ANO10: variants seen among roughly 807,000 people sequenced by gnomAD.
ANO10 encodes anoctamin 10, also known as anoctamin-10.
Under a neutral mutation model 74.7 loss-of-function variants are expected in ANO10, and 77 were observed. The ratio of observed to expected loss-of-function variants is 1.03; its 90% CI spans 0.86 to 1.25. ANO10 has a LOEUF of 1.25. Among genes scored for constraint, ANO10 ranks in the 50% most tolerant of loss-of-function variants. ANO10 has a pLI of 0.00. For missense variants in ANO10, 721 were observed against 778.1 expected, an observed-to-expected ratio of 0.93 and a Z score of 0.87; for synonymous variants, 279 against 284.9, an observed-to-expected ratio of 0.98 and a Z score of 0.21.
chr3:43,602,785 CTCA>C (rs1156576002), intron 2 of ANO10, among the ~76,000 whole-genome samples: 1 of 152,194 alleles, frequency 6.6e-6, no homozygotes, highest in Admixed American at 6.5e-5. Context: ...TTATATGGAG[CTCA>C]TCAAGGATGG....
At chr3:43,410,158 G>A (rs1371743739) in intron 12 of ANO10, among the ~76,000 whole-genome samples, 2 of 151,742 alleles carry the variant, frequency 1.3e-5, no homozygotes, top group Non-Finnish European at 2.9e-5. Flanking sequence ...ATGACAGAAA[G>A]GTAAAACAAG....
chr3:43,428,895 T>C (rs2092940168), intron 12 of ANO10, among the ~76,000 whole-genome samples: 1 of 143,808 alleles, frequency 7.0e-6, no homozygotes, highest in South Asian at 2.3e-4. Context: ...TATTCAAAAA[T>C]CTGAAAAAAA....
chr3:43,491,785 T>G (rs1217349054), intron 11 of ANO10, among the ~76,000 whole-genome samples: 1 of 152,066 alleles, frequency 6.6e-6, no homozygotes, highest in Non-Finnish European at 1.5e-5. Context: ...CAGAAAAATA[T>G]ACAGAATATG....
At chr3:43,386,799 A>G (rs951601047) in intron 12 of ANO10, among the ~76,000 whole-genome samples, 4 of 151,988 alleles carry the variant, frequency 2.6e-5, no homozygotes, top group African/African-American at 9.7e-5. Flanking sequence ...CCTGGACTCT[A>G]CAGGTGGTCC....
chr3:43,448,793 C>T (rs1482315852), intron 11 of ANO10, among the ~76,000 whole-genome samples: 1 of 151,978 alleles, frequency 6.6e-6, no homozygotes, highest in Admixed American at 6.6e-5. Flanking sequence ...AGTGGCTGTA[C>T]CATTTTGCAT....
Position 43,366,552 on chromosome 3 carries a change from T to G in ANO10, c.*354A>C. On this transcript the variant is annotated 3_prime_UTR_variant, in exon 13 of 13. Transcript: ENST00000292246. ...ACGGGTCCCTGGGCCATGGTGGGGT[T>G]GGGAGTGACACTGCTATGAGGGGAA... 2.5e-6 allele frequency: 1 copy of G among 393,938 alleles called. No homozygotes were observed. The highest frequency in any genetic ancestry group is 4.8e-6 in the Non-Finnish European group (1 of 206,318). 24.4% of individuals were successfully genotyped at this position (393,938 alleles called of 1,614,324 possible). A position where few individuals can be genotyped will look rare whatever the true frequency, so the allele number is the denominator to read the frequency against.
intron 1 of ANO10, among the ~76,000 whole-genome samples, chr3:43,639,539 C>T (rs549420730): frequency 2.6e-5 from 4 of 152,120 alleles, no homozygotes; most frequent in South Asian, 4.2e-4. Context: ...CCGAGGTGGG[C>T]GGATCACGAG....
At chr3:43,593,707 G>A (rs937148531) in intron 4 of ANO10, among the ~76,000 whole-genome samples, 4 of 152,114 alleles carry the variant, frequency 2.6e-5, no homozygotes, top group South Asian at 2.1e-4. Context: ...ATCAACTAAC[G>A]AGCAAACTAA....
intron 11 of ANO10, among the ~76,000 whole-genome samples, chr3:43,433,008 G>A (rs940315395): frequency 7.8e-6 from 1 of 127,654 alleles, no homozygotes; most frequent in East Asian, 2.6e-4. Flanking sequence ...CCAGGCTAGA[G>A]GAGTGCAGTG....
At chr3:43,596,582 C>A (rs902262470) in intron 4 of ANO10, among the ~76,000 whole-genome samples, 2 of 152,010 alleles carry the variant, frequency 1.3e-5, no homozygotes, top group African/African-American at 2.4e-5. Flanking sequence ...GAAACTGTAC[C>A]CCTTCCTTAC....
At chr3:43,523,234 T>A (rs933873601) in intron 11 of ANO10, among the ~76,000 whole-genome samples, 6 of 152,126 alleles carry the variant, frequency 3.9e-5, no homozygotes, top group Non-Finnish European at 7.4e-5. Flanking sequence ...AAGCAAGAGC[T>A]CATTCCATTG....
intron 12 of ANO10, among the ~76,000 whole-genome samples, chr3:43,418,304 C>G (rs2092772461): frequency 6.6e-6 from 1 of 152,030 alleles, no homozygotes; most frequent in Admixed American, 6.6e-5. Flanking sequence ...AACAAACAAA[C>G]AAAGAATTGG....
At chr3:43,383,576 A>C (rs1209367887) in intron 12 of ANO10, among the ~76,000 whole-genome samples, 2 of 152,112 alleles carry the variant, frequency 1.3e-5, no homozygotes. Flanking sequence ...CCAAATAAAA[A>C]ACAAAAATCC....
chr3:43,598,747 G>T, intron 3 of ANO10, 81 bp from the exon 4 acceptor site: 1 of 1,156,016 alleles, frequency 8.7e-7, no homozygotes, highest in Non-Finnish European at 1.2e-6. Context: ...CAGAAATAAT[G>T]GTATAAACAA....
At chr3:43,538,770 A>C (rs1178527297) in intron 11 of ANO10, among the ~76,000 whole-genome samples, 1 of 152,168 alleles carries the variant, frequency 6.6e-6, no homozygotes, top group African/African-American at 2.4e-5. Flanking sequence ...GTCTACACAC[A>C]CAGGGGCAGG....
chr3:43,536,129 C>A (rs948725427), intron 11 of ANO10, among the ~76,000 whole-genome samples: 3 of 152,164 alleles, frequency 2.0e-5, no homozygotes, highest in African/African-American at 4.8e-5. Flanking sequence ...TTTAAACATT[C>A]CTGATAAAAG....
chr3:43,524,688 A>G (rs933668302), intron 11 of ANO10, among the ~76,000 whole-genome samples: 3 of 152,092 alleles, frequency 2.0e-5, no homozygotes, highest in East Asian at 3.9e-4. Flanking sequence ...GGTACCTTAG[A>G]CTCAGCGGGA....
At chr3:43,582,682 C>T (rs903577149) in intron 4 of ANO10, among the ~76,000 whole-genome samples, 2 of 152,098 alleles carry the variant, frequency 1.3e-5, no homozygotes, top group African/African-American at 2.4e-5. Flanking sequence ...ATAAGTTACA[C>T]GAGGAGAAAA....
chr3:43,574,472 T>A (rs563496771), intron 7 of ANO10, among the ~76,000 whole-genome samples: 1 of 152,150 alleles, frequency 6.6e-6, no homozygotes, highest in Non-Finnish European at 1.5e-5. Flanking sequence ...GGTTTCACCA[T>A]GTTGGCCAGG....
Sources: allele counts gnomAD v4.1 joint callset (sites outside exome capture counted in the v4.1 genomes callset), GRCh38; gene constraint gnomAD v4.1.1; transcripts MANE v1.5; gene names NCBI Gene and HGNC (gene_info 2026-07-23, HGNC 2026-07-21).